Variants in DCLRE1C observed in about 807,000 individuals in gnomAD.
DCLRE1C encodes DNA cross-link repair 1C, also known as protein artemis.
DCLRE1C carries 47 observed loss-of-function variants against 61.4 expected under a neutral mutation model. The observed-to-expected ratio is 0.77, with a 90% confidence interval of 0.61 to 0.98. The LOEUF (loss-of-function observed/expected upper bound fraction) is 0.98, where lower values mean the gene tolerates loss of function less well. Among genes scored for constraint, DCLRE1C ranks in the 50% least tolerant of loss-of-function variants. DCLRE1C has a pLI of 0.00. For missense variants in DCLRE1C, 858 were observed against 816.0 expected (o/e 1.05, Z -0.63); for synonymous variants, 337 against 287.6 (o/e 1.17, Z -1.74).
At position 14,954,031 on chromosome 10, in the gene DCLRE1C, C is replaced by A. The variant is rs773407285; in HGVS notation, c.-21G>T. ...CTCATAGCGCCGCCGATCCCAGAGT[C>A]CGGGACCCCAAAACCGCAGCTGAAG... On this transcript the variant is annotated 5_prime_UTR_variant, in exon 1 of 14. Coordinates refer to ENST00000378278, the MANE Select transcript of DCLRE1C (RefSeq NM_001033855.3). 1 of 1,613,626 alleles carries A rather than the reference C, an allele frequency of 6.2e-7. No homozygotes were observed. Among genetic ancestry groups the A allele is most frequent in the Non-Finnish European group, 8.5e-7 (1 of 1,179,888 alleles).
chr10:14,950,648 G>A (rs1345077751), intron 1 of DCLRE1C, among the ~76,000 whole-genome samples: 6 of 152,194 alleles, frequency 3.9e-5, no homozygotes, highest in South Asian at 2.1e-4. Flanking sequence ...AGCATTCTCC[G>A]TAATTGGAGT....
intron 5 of DCLRE1C, among the ~76,000 whole-genome samples, 166 bp downstream of exon 5, chr10:14,936,372 T>G (rs1348935381): frequency 1.4e-5 from 2 of 145,482 alleles, no homozygotes; most frequent in Non-Finnish European, 3.0e-5. Context: ...AGCCTCCAAC[T>G]CCCAAGCTCA....
exon 14 of DCLRE1C, chr10:14,897,698 T>A: frequency 2.2e-6 from 1 of 448,546 alleles, no homozygotes; most frequent in Non-Finnish European, 3.6e-6. Context: ...AAAAAACTTT[T>A]ATATGAATAA....
chr10:14,933,361 G>A (rs1839342144), intron 8 of DCLRE1C, among the ~76,000 whole-genome samples: 1 of 152,230 alleles, frequency 6.6e-6, no homozygotes. Flanking sequence ...CCTCAGCCAG[G>A]TGCTGTGGCT....
chr10:14,950,500 A>G lies in DCLRE1C; in HGVS notation c.110-1413T>C, dbSNP rs562958260. On this transcript the variant is annotated intron_variant, in intron 1 of 13. Coordinates refer to ENST00000378278, the MANE Select transcript of DCLRE1C (RefSeq NM_001033855.3). ...GGCCATCATTAGACCCAGTGAAAGC[A>G]GAGCAGTCACCACATGTCACTTGGC... 3.9e-5 allele frequency among the ~76,000 whole-genome samples: 6 copies of G among 152,282 alleles called. No homozygotes were observed. In the South Asian group the frequency reaches 1.0e-3, roughly 26 times the overall value.
intron 13 of DCLRE1C, among the ~76,000 whole-genome samples, chr10:14,913,103 G>T (rs1482775144): frequency 6.6e-6 from 1 of 152,228 alleles, no homozygotes; most frequent in South Asian, 2.1e-4. Flanking sequence ...TGATCCACCT[G>T]CCTTGGCCTC....
chr10:14,942,621 G>A (rs74124760), intron 3 of DCLRE1C, among the ~76,000 whole-genome samples: 226 of 152,306 alleles, frequency 1.5e-3, no homozygotes, highest in African/African-American at 5.1e-3. Flanking sequence ...AGGACTTTCG[G>A]GGAGGGCAGT....
At chr10:14,928,710 G>A (rs140625768) in intron 9 of DCLRE1C, among the ~76,000 whole-genome samples, 98 of 152,082 alleles carry the variant, frequency 6.4e-4, no homozygotes, top group African/African-American at 2.2e-3. Flanking sequence ...TGGGGAGTTG[G>A]TTATAAGTAC....
At chr10:14,928,195 T>A (rs1339691170) in intron 9 of DCLRE1C, 43 bp from the exon 10 acceptor site, 6 of 1,591,972 alleles carry the variant, frequency 3.8e-6, no homozygotes, top group Non-Finnish European at 4.3e-6. Flanking sequence ...CTACATTTTC[T>A]ACAAATCTGT....
chr10:14,924,356 A>G (rs1267221908), intron 11 of DCLRE1C, among the ~76,000 whole-genome samples: 1 of 152,232 alleles, frequency 6.6e-6, no homozygotes, highest in African/African-American at 2.4e-5. Context: ...TCAGAATGCT[A>G]AACAGAGGAA....
At chr10:14,938,109 T>C (rs565997544) in intron 4 of DCLRE1C, among the ~76,000 whole-genome samples, 1 of 152,074 alleles carries the variant, frequency 6.6e-6, no homozygotes, top group African/African-American at 2.4e-5. Context: ...CCCTTTCGAG[T>C]GGGTCTCCCC....
At chr10:14,927,120 G>T (rs947828451) in intron 10 of DCLRE1C, among the ~76,000 whole-genome samples, 15 of 152,234 alleles carry the variant, frequency 9.9e-5, no homozygotes, top group African/African-American at 3.4e-4. Context: ...GGTGGCTCAC[G>T]CCTATAATCC....
intron 3 of DCLRE1C, among the ~76,000 whole-genome samples, chr10:14,940,441 A>T (rs41296964): frequency 2.0e-5 from 3 of 152,134 alleles, no homozygotes; most frequent in Admixed American, 6.5e-5. Flanking sequence ...GGCGCCCGCT[A>T]CTACGCAAGG....
Position 14,914,022 on chromosome 10 carries a change from T to C in DCLRE1C, c.1157-4692A>G, listed in dbSNP as rs1325122834. ...AAGAATAAAGAACAAATGGAACAAA[T>C]AGCAAGAGGATAAACTTAAACCTGA... On this transcript the variant is annotated intron_variant, in intron 13 of 13. Coordinates refer to ENST00000378278, the MANE Select transcript of DCLRE1C (RefSeq NM_001033855.3). Among the ~76,000 whole-genome samples, 3 of 152,014 alleles carry C rather than the reference T, an allele frequency of 2.0e-5. 1 individual carries two copies. Among genetic ancestry groups the C allele is most frequent in the Admixed American group, 2.0e-4 (3 of 15,258 alleles).
At chr10:14,917,432 T>C (rs1006883346) in intron 13 of DCLRE1C, among the ~76,000 whole-genome samples, 3 of 151,004 alleles carry the variant, frequency 2.0e-5, no homozygotes, top group African/African-American at 4.9e-5. Context: ...GCTAAAAAGA[T>C]TGAAAAGATT....
At position 14,949,084 on chromosome 10, in the gene DCLRE1C, T is replaced by G; in HGVS notation, c.113A>C (p.His38Pro). 1 of 1,608,038 alleles carries G rather than the reference T, an allele frequency of 6.2e-7. No homozygotes were observed. The highest frequency in any genetic ancestry group is 8.5e-7 in the Non-Finnish European group (1 of 1,174,818). ...GGTAGGGGCTCTTAATCCTTTCATG[T>G]GATCTAAAAACAAAAGAACAAAAAC... Reference protein sequence around the residue: ...AYFLSHCHKDHMKGLRAPTLK... With the variant: ...AYFLSHCHKDPMKGLRAPTLK... Residue 38 changes from histidine (H) to proline (P), a missense_variant, in exon 2 of 14, where the codon CAC (histidine) becomes CCC (proline). His to Pro is a moderately conservative substitution (Grantham distance 77). Around this residue, in one of 2 missense-constraint regions of DCLRE1C, gnomAD observed 843 missense variants for 783.5 expected, o/e 1.08. Coordinates refer to ENST00000378278, the MANE Select transcript of DCLRE1C (RefSeq NM_001033855.3).
At position 14,938,684 on chromosome 10, in the gene DCLRE1C, T is replaced by G. The variant is rs1840377250; in HGVS notation, c.306+1126A>C. ...CAAAATTTAATGATGAAAAATAATT[T>G]TTTTCCACTTGGCAGAGCCCCTTTT... is the stretch of plus-strand genomic sequence containing the variant. On this transcript the variant is annotated intron_variant, in intron 4 of 13. Transcript: ENST00000378278. Among the ~76,000 whole-genome samples the G allele has an allele frequency of 3.9e-5, 6 of 152,252 alleles. No individual in the cohort carries two copies. The South Asian group carries it at 1.2e-3, about 32-fold the overall frequency.
Position 14,949,055 on chromosome 10 carries a change from T to C in DCLRE1C, c.142A>G (p.Lys48Glu), listed in dbSNP as rs1842089664. The change falls in exon 2 of 14, where the codon AAA becomes GAA. Residue 48 changes from lysine to glutamate, a missense_variant. By Grantham distance (56) the Lys-to-Glu change is moderately conservative (BLOSUM62 1). Transcript: ENST00000378278. ...AATTACCTGCACTCCAACCTTCTTT[T>C]CAAGGTAGGGGCTCTTAATCCTTTC... ...HMKGLRAPTL[K>E]RRLECSLKVY... The C allele has an allele frequency of 6.2e-7, 1 of 1,611,750 alleles. No individual in the cohort carries two copies. The highest frequency in any genetic ancestry group is 8.5e-7 in the Non-Finnish European group (1 of 1,178,102).
chr10:14,919,876 GT>G, intron 12 of DCLRE1C, 44 bp from the exon 13 acceptor site: 1 of 1,486,354 alleles, frequency 6.7e-7, no homozygotes, highest in Non-Finnish European at 9.4e-7. Context: ...TGAGGAAGTT[GT>G]TAGAAGGTAG....
Sources: allele counts gnomAD v4.1 joint callset (sites outside exome capture counted in the v4.1 genomes callset), GRCh38; gene constraint gnomAD v4.1.1; regional missense constraint gnomAD v4.1.1; transcripts MANE v1.5; gene names NCBI Gene and HGNC (gene_info 2026-07-23, HGNC 2026-07-21).